Variants in SBF2 observed in about 807,000 individuals in gnomAD.
SBF2 encodes the protein SET binding factor 2.
In SBF2, 112 loss-of-function variants were observed where a neutral mutation model predicts 225.2. That is an observed-to-expected ratio of 0.50 (90% CI 0.43 to 0.58). SBF2 has a LOEUF of 0.58. Among genes scored for constraint, SBF2 ranks in the 20% least tolerant of loss-of-function variants. The probability of loss-of-function intolerance (pLI) is 0.00; values close to 1 mark genes in which losing one functional copy is unlikely to be tolerated. For missense variants in SBF2, 1,996 were observed against 2,206.2 expected, an observed-to-expected ratio of 0.90 and a Z score of 1.91; for synonymous variants, 763 against 773.3, an observed-to-expected ratio of 0.99 and a Z score of 0.22.
intron 7 of SBF2, among the ~76,000 whole-genome samples, chr11:10,001,547 T>C (rs1471667044): frequency 6.6e-6 from 1 of 151,782 alleles, no homozygotes; most frequent in Non-Finnish European, 1.5e-5. Flanking sequence ...TTTTTTGAGA[T>C]GGAGTCTCAC....
intron 2 of SBF2, among the ~76,000 whole-genome samples, chr11:10,121,879 G>T (rs1212580341): frequency 6.6e-6 from 1 of 152,190 alleles, no homozygotes; most frequent in African/African-American, 2.4e-5. Context: ...TCACTCCTTT[G>T]TCCAGTGAAT....
chr11:9,845,414 G>A (rs540110700), intron 24 of SBF2, 151 bp downstream of exon 24: 43 of 758,696 alleles, frequency 5.7e-5, no homozygotes, highest in African/African-American at 4.7e-4. Context: ...CTGCTGTTCC[G>A]TAACTTTATG....
chr11:10,284,271 T>C (rs1402299189), intron 1 of SBF2, among the ~76,000 whole-genome samples: 1 of 152,184 alleles, frequency 6.6e-6, no homozygotes, highest in African/African-American at 2.4e-5. Context: ...CTATACTCAT[T>C]TGTGGTTGTA....
intron 2 of SBF2, among the ~76,000 whole-genome samples, chr11:10,174,017 C>G (rs1408529013): frequency 6.6e-6 from 1 of 151,756 alleles, no homozygotes; most frequent in Non-Finnish European, 1.5e-5. Flanking sequence ...CTGTACATCA[C>G]CATCATCAAA....
intron 1 of SBF2, among the ~76,000 whole-genome samples, chr11:10,265,211 A>G (rs2044143): frequency 0.49 from 74,860 of 151,900 alleles, 18,822 homozygotes; most frequent in Non-Finnish European, 0.54. Flanking sequence ...ATGTAAAAGC[A>G]TTCCTATTTC....
intron 1 of SBF2, among the ~76,000 whole-genome samples, chr11:10,272,555 C>T (rs1358851315): frequency 6.6e-6 from 1 of 152,182 alleles, no homozygotes; most frequent in African/African-American, 2.4e-5. Flanking sequence ...TACCAAAGTG[C>T]GAACTCACCA....
intron 2 of SBF2, among the ~76,000 whole-genome samples, chr11:10,044,042 G>A (rs367885400): frequency 2.6e-5 from 4 of 152,106 alleles, no homozygotes; most frequent in Non-Finnish European, 5.9e-5. Context: ...TAGAAAAGAA[G>A]AAAGATCTAA....
At chr11:10,270,125 A>G (rs1962347161) in intron 1 of SBF2, among the ~76,000 whole-genome samples, 1 of 152,196 alleles carries the variant, frequency 6.6e-6, no homozygotes, top group African/African-American at 2.4e-5. Flanking sequence ...ATATATTAAA[A>G]TGATAAAAAC....
chr11:10,283,540 A>G (rs1963553206), intron 1 of SBF2, among the ~76,000 whole-genome samples: 1 of 152,192 alleles, frequency 6.6e-6, no homozygotes, highest in South Asian at 2.1e-4. Flanking sequence ...AAAAAAAACA[A>G]GAACTTCAAA....
chr11:10,014,523 AAAAAAC>A (rs987229225), intron 6 of SBF2, among the ~76,000 whole-genome samples: 1 of 146,578 alleles, frequency 6.8e-6, no homozygotes, highest in African/African-American at 2.7e-5. Context: ...AAAAAAAAAA[AAAAAAC>A]GAAAATGGAG....
chr11:10,142,558 G>A (rs1954694218), intron 2 of SBF2, among the ~76,000 whole-genome samples: 2 of 152,102 alleles, frequency 1.3e-5, no homozygotes, highest in African/African-American at 2.4e-5. Context: ...TACAACCAGC[G>A]TGAAGTCACC....
intron 12 of SBF2, among the ~76,000 whole-genome samples, chr11:9,990,537 T>C (rs941173368): frequency 6.6e-6 from 1 of 152,170 alleles, no homozygotes; most frequent in African/African-American, 2.4e-5. Context: ...AATGAGAAAT[T>C]ATTTAGTTCT....
At chr11:9,923,726 T>C (rs955863028) in intron 16 of SBF2, among the ~76,000 whole-genome samples, 4 of 152,156 alleles carry the variant, frequency 2.6e-5, no homozygotes, top group Admixed American at 2.6e-4. Context: ...TGTAACCCCT[T>C]ATTGGCAAAG....
At chr11:10,114,746 A>C (rs1363876005) in intron 2 of SBF2, among the ~76,000 whole-genome samples, 2 of 152,218 alleles carry the variant, frequency 1.3e-5, no homozygotes, top group Non-Finnish European at 2.9e-5. Flanking sequence ...TTTGTCTATA[A>C]TCATTTCAAA....
At chr11:10,072,648 T>C (rs1310010148) in intron 2 of SBF2, among the ~76,000 whole-genome samples, 7 of 151,996 alleles carry the variant, frequency 4.6e-5, no homozygotes, top group African/African-American at 1.7e-4. Flanking sequence ...ATAGAAGGAA[T>C]GCTATCATTT....
intron 16 of SBF2, among the ~76,000 whole-genome samples, chr11:9,899,812 C>T (rs576632747): frequency 6.6e-6 from 1 of 152,160 alleles, no homozygotes; most frequent in Non-Finnish European, 1.5e-5. Flanking sequence ...AGCAAGATCC[C>T]TGATGATATC....
chr11:10,018,963 G>C (rs1186471374), intron 6 of SBF2, among the ~76,000 whole-genome samples: 1 of 152,014 alleles, frequency 6.6e-6, no homozygotes, highest in African/African-American at 2.4e-5. Flanking sequence ...TCTTCTTCTA[G>C]AATGCCCTTA....
intron 2 of SBF2, among the ~76,000 whole-genome samples, chr11:10,095,550 T>C (rs1332858352): frequency 2.7e-5 from 3 of 109,856 alleles, no homozygotes; most frequent in African/African-American, 5.9e-5. Flanking sequence ...ACAAGCTTTT[T>C]TAAAAAAAAT....
At chr11:10,070,229 C>T (rs942479232) in intron 2 of SBF2, among the ~76,000 whole-genome samples, 3 of 152,160 alleles carry the variant, frequency 2.0e-5, no homozygotes, top group Non-Finnish European at 2.9e-5. Flanking sequence ...GAAGTCCTCG[C>T]CCATGCCTAT....
Sources: allele counts gnomAD v4.1 joint callset (sites outside exome capture counted in the v4.1 genomes callset), GRCh38; gene constraint gnomAD v4.1.1; transcripts MANE v1.5; gene names NCBI Gene and HGNC (gene_info 2026-07-23, HGNC 2026-07-21).